Variants in ZNF341 observed in about 807,000 individuals in gnomAD.
ZNF341 encodes zinc finger protein 341.
ZNF341 carries 52 observed loss-of-function variants against 87.7 expected under a neutral mutation model. The ratio of observed to expected loss-of-function variants is 0.59; its 90% CI spans 0.47 to 0.75. The LOEUF is 0.75. ZNF341 is among the 30% of genes least tolerant of loss of function. The pLI, the probability that ZNF341 is intolerant of heterozygous loss-of-function variation, is 0.00. For missense variants in ZNF341, 977 were observed against 1,145.9 expected (o/e 0.85, Z 2.13); for synonymous variants, 459 against 472.7 (o/e 0.97, Z 0.38).
chr20:33,752,811 C>A (rs2019090149), intron 4 of ZNF341, among the ~76,000 whole-genome samples: 1 of 151,992 alleles, frequency 6.6e-6, no homozygotes, highest in African/African-American at 2.4e-5. Flanking sequence ...GCCACCACGC[C>A]CGGCTAATTT....
intron 8 of ZNF341, among the ~76,000 whole-genome samples, chr20:33,764,486 T>C (rs1418121211): frequency 6.8e-6 from 1 of 146,094 alleles, no homozygotes; most frequent in Non-Finnish European, 1.5e-5. Context: ...TGTGTATGTG[T>C]GTATATATAT....
At chr20:33,778,816 T>A (rs1351873876) in intron 10 of ZNF341, among the ~76,000 whole-genome samples, 5 of 152,266 alleles carry the variant, frequency 3.3e-5, no homozygotes, top group Admixed American at 3.3e-4. Flanking sequence ...GTCAATATGC[T>A]GGCAAATGTT....
In ZNF341 at chr20:33,772,010, T is replaced by TAAAAAAAAAAAAAAAAA. The variant is rs57345366; in HGVS notation, c.1622+1727_1622+1743dup. On this transcript the variant is annotated intron_variant, in intron 10 of 14. Coordinates refer to ENST00000375200, the MANE Select transcript of ZNF341 (RefSeq NM_001282933.2). Reference sequence around the variant, plus strand: ...GCCTGAGCGACAGAGACGCTTGTCTTAAAAAAAAAAAAAAAAAAAAAAAAA... The same window carrying TAAAAAAAAAAAAAAAAA: ...GCCTGAGCGACAGAGACGCTTGTCTTAAAAAAAAAAAAAAAAAAAAAAAAAAAAAAAAAAAAAAAAAA... Among the ~76,000 whole-genome samples, 204 of 56,132 alleles carry TAAAAAAAAAAAAAAAAA rather than the reference T, an allele frequency of 3.6e-3. 25 individuals are homozygous for TAAAAAAAAAAAAAAAAA. Among genetic ancestry groups the TAAAAAAAAAAAAAAAAA allele is most frequent in the Admixed American group, 4.2e-3 (16 of 3,828 alleles). 36.8% of individuals were successfully genotyped at this position (56,132 alleles called of 152,430 possible).
At chr20:33,780,872 A>G (rs1427315312) in intron 10 of ZNF341, among the ~76,000 whole-genome samples, 1 of 151,894 alleles carries the variant, frequency 6.6e-6, no homozygotes, top group Non-Finnish European at 1.5e-5. Flanking sequence ...ACATCTAGCT[A>G]ATTTTTAAAT....
chr20:33,749,914 A>C (rs966287009), intron 4 of ZNF341, among the ~76,000 whole-genome samples: 9 of 151,302 alleles, frequency 5.9e-5, no homozygotes, highest in Non-Finnish European at 1.2e-4. Context: ...CACCACGCCC[A>C]GCTGATTTTT....
chr20:33,764,361 A>G (rs1340793387), intron 8 of ZNF341, among the ~76,000 whole-genome samples: 1 of 150,896 alleles, frequency 6.6e-6, no homozygotes, highest in East Asian at 1.9e-4. Flanking sequence ...TCTGTCTTTA[A>G]TGGCAAAAAT....
At chr20:33,775,196 G>C (rs998925335) in intron 10 of ZNF341, among the ~76,000 whole-genome samples, 15 of 151,656 alleles carry the variant, frequency 9.9e-5, no homozygotes, top group African/African-American at 3.4e-4. Context: ...TTGCAGGTCA[G>C]AGTTGAAAGG....
chr20:33,785,968 G>A (rs2019849521), intron 12 of ZNF341, among the ~76,000 whole-genome samples: 1 of 144,436 alleles, frequency 6.9e-6, no homozygotes, highest in African/African-American at 2.6e-5. Context: ...TTTCACATCT[G>A]AGTAGTCTTC....
At chr20:33,752,928 G>A (rs1319917755) in intron 4 of ZNF341, among the ~76,000 whole-genome samples, 1 of 152,138 alleles carries the variant, frequency 6.6e-6, no homozygotes, top group Non-Finnish European at 1.5e-5. Context: ...GATTACAGGC[G>A]TGAGCCACTG....
intron 9 of ZNF341, among the ~76,000 whole-genome samples, chr20:33,769,070 T>C (rs2019469736): frequency 6.6e-6 from 1 of 152,186 alleles, no homozygotes; most frequent in African/African-American, 2.4e-5. Flanking sequence ...CAACAAAACC[T>C]GTGACCTTTG....
At chr20:33,765,423 G>A (rs1397277744) in intron 8 of ZNF341, among the ~76,000 whole-genome samples, 2 of 150,950 alleles carry the variant, frequency 1.3e-5, no homozygotes, top group Non-Finnish European at 3.0e-5. Flanking sequence ...CTGTCACCCA[G>A]GCTGGAGTGC....
intron 12 of ZNF341, among the ~76,000 whole-genome samples, chr20:33,784,913 G>C (rs1601290782): frequency 6.6e-6 from 1 of 152,204 alleles, no homozygotes; most frequent in Non-Finnish European, 1.5e-5. Flanking sequence ...ACTGCACCCA[G>C]CCTGTGTGAG....
At chr20:33,759,530 C>T (rs1352878639) in intron 7 of ZNF341, among the ~76,000 whole-genome samples, 18 of 152,256 alleles carry the variant, frequency 1.2e-4, no homozygotes, top group Admixed American at 7.9e-4. Context: ...GTGATCCACC[C>T]GCCTCGGCCT....
At chr20:33,763,592 C>A (rs2019339198) in intron 8 of ZNF341, among the ~76,000 whole-genome samples, 2 of 152,174 alleles carry the variant, frequency 1.3e-5, no homozygotes, top group Non-Finnish European at 2.9e-5. Context: ...AGCCACCATG[C>A]CTGGCTAACA....
At chr20:33,777,389 CTT>C (rs2019650230) in intron 10 of ZNF341, among the ~76,000 whole-genome samples, 2 of 146,502 alleles carry the variant, frequency 1.4e-5, no homozygotes, top group South Asian at 4.3e-4. Flanking sequence ...AATCCCAACA[CTT>C]TGGGAGGCTG....
Position 33,770,272 on chromosome 20 carries a change from G to A in ZNF341, c.1602G>A (p.Lys534=), listed in dbSNP as rs749065632. ...GCCTCCTGCCACAGCACAGCCCCAA[G>A]AAGGACAATGCCGTCTACAAGTAAG... is the stretch of plus-strand genomic sequence containing the variant. ...SHSLLPQHSP[K]KDNAVYKCVK... is the part of the protein sequence containing the mutation. The change falls in exon 10 of 15, where the codon AAG becomes AAA. Residue 534 remains lysine, a synonymous_variant. Transcript: ENST00000375200. 2 of 1,373,246 alleles carry A rather than the reference G, an allele frequency of 1.5e-6. No homozygotes were observed. The highest frequency in any genetic ancestry group is 9.7e-7 in the Non-Finnish European group (1 of 1,027,398). 85.1% of individuals were successfully genotyped at this position (1,373,246 alleles called of 1,614,324 possible). A position where few individuals can be genotyped will look rare whatever the true frequency, so the allele number is the denominator to read the frequency against.
At chr20:33,790,877 C>T in intron 14 of ZNF341, 111 bp from the exon 15 acceptor site, 5 of 1,287,352 alleles carry the variant, frequency 3.9e-6, no homozygotes, top group Non-Finnish European at 5.2e-6. Context: ...GAGCTGGGGC[C>T]AGATCACACA....
chr20:33,788,583 C>A, intron 12 of ZNF341: 1 of 463,306 alleles, frequency 2.2e-6, no homozygotes. Flanking sequence ...TGCCTCAGGG[C>A]CTTTGTACCT....
chr20:33,778,024 G>A (rs2019663434), intron 10 of ZNF341, among the ~76,000 whole-genome samples: 1 of 152,194 alleles, frequency 6.6e-6, no homozygotes. Context: ...GTCATATCAG[G>A]AGGCATGTGA....
Sources: allele counts gnomAD v4.1 joint callset (sites outside exome capture counted in the v4.1 genomes callset), GRCh38; gene constraint gnomAD v4.1.1; transcripts MANE v1.5; gene names NCBI Gene and HGNC (gene_info 2026-07-23, HGNC 2026-07-21).